PRDM5: variants seen among roughly 807,000 people sequenced by gnomAD.
The protein encoded by PRDM5 is PR domain zinc finger protein 5.
Under a neutral mutation model 81.2 loss-of-function variants are expected in PRDM5, and 56 were observed. The ratio of observed to expected loss-of-function variants is 0.69; its 90% CI spans 0.56 to 0.86. The LOEUF is 0.86. Ranked by LOEUF, PRDM5 falls within the 40% of genes least tolerant of loss-of-function variation. The pLI, the probability that PRDM5 is intolerant of heterozygous loss-of-function variation, is 0.00. For missense variants in PRDM5, 697 were observed against 770.1 expected (o/e 0.91, Z 1.12); for synonymous variants, 267 against 256.4 (o/e 1.04, Z -0.39).
intron 14 of PRDM5, among the ~76,000 whole-genome samples, chr4:120,747,370 C>T (rs1021979198): frequency 1.3e-5 from 2 of 151,328 alleles, no homozygotes; most frequent in Admixed American, 6.6e-5. Flanking sequence ...ACCAGCATGG[C>T]ACATGTATAC....
intron 15 of PRDM5, among the ~76,000 whole-genome samples, chr4:120,699,471 T>C (rs929793381): frequency 6.6e-6 from 1 of 152,032 alleles, no homozygotes; most frequent in Non-Finnish European, 1.5e-5. Context: ...CAAACTGCAA[T>C]CCTAACAGTG....
At chr4:120,807,985 C>T (rs181804540) in intron 8 of PRDM5, among the ~76,000 whole-genome samples, 15 of 151,982 alleles carry the variant, frequency 9.9e-5, no homozygotes, top group Admixed American at 7.2e-4. Flanking sequence ...TTGCTCCTCC[C>T]GGTGGGTTCA....
At chr4:120,755,228 G>GC (rs1161303284) in intron 13 of PRDM5, among the ~76,000 whole-genome samples, 2 of 152,098 alleles carry the variant, frequency 1.3e-5, no homozygotes, top group African/African-American at 4.8e-5. Flanking sequence ...TTTGAAAACA[G>GC]CCAAAATGTT....
chr4:120,882,613 T>C (rs1396538770), intron 2 of PRDM5, among the ~76,000 whole-genome samples: 1 of 152,214 alleles, frequency 6.6e-6, no homozygotes, highest in Non-Finnish European at 1.5e-5. Context: ...CATTTTATAA[T>C]ACATAAATAC....
At chr4:120,717,490 A>AT (rs928386558) in intron 14 of PRDM5, among the ~76,000 whole-genome samples, 8 of 152,304 alleles carry the variant, frequency 5.3e-5, no homozygotes, top group Admixed American at 2.6e-4. Context: ...CAAATGTTAC[A>AT]TTTTTTTGAT....
intron 2 of PRDM5, among the ~76,000 whole-genome samples, chr4:120,900,664 A>G (rs1213215545): frequency 6.6e-6 from 1 of 152,214 alleles, no homozygotes; most frequent in Non-Finnish European, 1.5e-5. Flanking sequence ...AACCCCATCA[A>G]TAACAGAAGG....
chr4:120,798,566 T>C (rs1578776591), intron 9 of PRDM5, 142 bp from the exon 10 acceptor site: 2 of 669,546 alleles, frequency 3.0e-6, no homozygotes, highest in East Asian at 5.5e-5. Context: ...ACCATCCACA[T>C]AATAGACACA....
chr4:120,788,357 A>T (rs527607907), intron 10 of PRDM5, among the ~76,000 whole-genome samples: 1 of 152,314 alleles, frequency 6.6e-6, no homozygotes, highest in South Asian at 2.1e-4. Flanking sequence ...GCATACATAT[A>T]TGCACACAGA....
At chr4:120,759,755 A>G (rs1374341480) in intron 13 of PRDM5, among the ~76,000 whole-genome samples, 1 of 152,206 alleles carries the variant, frequency 6.6e-6, no homozygotes, top group East Asian at 1.9e-4. Context: ...CTATGTTTTA[A>G]TAGCTCAGGT....
intron 15 of PRDM5, among the ~76,000 whole-genome samples, chr4:120,706,606 G>T (rs1736187765): frequency 1.3e-5 from 2 of 151,864 alleles, no homozygotes; most frequent in Non-Finnish European, 2.9e-5. Context: ...AGATTTCAAA[G>T]TTATTGCTAT....
At chr4:120,836,834 A>AG (rs1165395772) in intron 3 of PRDM5, among the ~76,000 whole-genome samples, 3 of 152,092 alleles carry the variant, frequency 2.0e-5, no homozygotes, top group African/African-American at 7.2e-5. Context: ...CTACTACTTT[A>AG]GGGGGGGTTG....
chr4:120,850,678 A>T (rs1175096263), intron 3 of PRDM5, among the ~76,000 whole-genome samples: 4 of 152,124 alleles, frequency 2.6e-5, no homozygotes, highest in Non-Finnish European at 5.9e-5. Context: ...TTCAAGAGTG[A>T]AATTTCAGAG....
intron 1 of PRDM5, among the ~76,000 whole-genome samples, chr4:120,920,132 A>G (rs761370513): frequency 6.6e-6 from 1 of 152,184 alleles, no homozygotes; most frequent in Non-Finnish European, 1.5e-5. Flanking sequence ...CAGCAAGAAA[A>G]TCCCATCTCA....
intron 14 of PRDM5, among the ~76,000 whole-genome samples, chr4:120,724,629 T>C (rs1466638740): frequency 6.6e-6 from 1 of 152,216 alleles, no homozygotes; most frequent in Non-Finnish European, 1.5e-5. Context: ...AATCCATCTT[T>C]GAATAAAACC....
At chr4:120,721,188 TCA>T (rs1409372027) in intron 14 of PRDM5, among the ~76,000 whole-genome samples, 1 of 152,220 alleles carries the variant, frequency 6.6e-6, no homozygotes, top group Non-Finnish European at 1.5e-5. Context: ...GCAGGGTGAC[TCA>T]AACTAGTCCA....
At chr4:120,906,956 T>C (rs1269010746) in intron 2 of PRDM5, among the ~76,000 whole-genome samples, 2 of 149,034 alleles carry the variant, frequency 1.3e-5, no homozygotes, top group African/African-American at 5.0e-5. Context: ...GAACTTCAGA[T>C]CTCTAAAAGA....
intron 14 of PRDM5, among the ~76,000 whole-genome samples, chr4:120,742,928 A>G (rs1052951966): frequency 1.3e-5 from 2 of 152,122 alleles, no homozygotes; most frequent in Admixed American, 1.3e-4. Context: ...AATACAGAGA[A>G]TGCCACAAAG....
chr4:120,841,768 G>C (rs756443585), intron 3 of PRDM5, among the ~76,000 whole-genome samples: 32 of 152,022 alleles, frequency 2.1e-4, no homozygotes, highest in Non-Finnish European at 4.1e-4. Flanking sequence ...TCCTCCTCTG[G>C]TAAGTGAGCT....
intron 3 of PRDM5, among the ~76,000 whole-genome samples, chr4:120,832,986 C>T (rs773381687): frequency 3.3e-5 from 5 of 152,080 alleles, no homozygotes; most frequent in Non-Finnish European, 4.4e-5. Flanking sequence ...ACATTTACTA[C>T]AGTATATAAT....
Sources: allele counts gnomAD v4.1 joint callset (sites outside exome capture counted in the v4.1 genomes callset), GRCh38; gene constraint gnomAD v4.1.1; transcripts MANE v1.5; gene names NCBI Gene and HGNC (gene_info 2026-07-23, HGNC 2026-07-21).